The following PRICKLE2 variants were observed in gnomAD, a reference collection of about 807,000 sequenced individuals.
PRICKLE2 encodes the protein prickle-like protein 2.
PRICKLE2 carries 21 observed loss-of-function variants against 81.4 expected under a neutral mutation model. The ratio of observed to expected loss-of-function variants is 0.26; its 90% CI spans 0.18 to 0.37. PRICKLE2 has a LOEUF of 0.37. Among genes scored for constraint, PRICKLE2 ranks in the 10% least tolerant of loss-of-function variants. The pLI is 1.00. For synonymous variants in PRICKLE2, 456 were observed against 421.5 expected (o/e 1.08, Z -1.00); for missense variants, 940 against 1,109.0 (o/e 0.85, Z 2.16).
Position 64,157,266 on chromosome 3 carries a change from T to G in PRICKLE2, c.496A>C (p.Asn166His). Residue 166 changes from asparagine to histidine, a missense_variant, in exon 5 of 8, where the codon AAT (asparagine) becomes CAT (histidine). This residue lies in a region of PRICKLE2 where 270 missense variants were observed against 391.8 expected (regional missense o/e 0.69). Coordinates refer to ENST00000638394, the MANE Select transcript of PRICKLE2 (RefSeq NM_198859.4). ...HPPCFVCTVC[N>H]ELLVDLIYFY... Reference sequence around the variant, plus strand: ...TAGATCAGATCCACCAGGAGCTCATTGCAGACAGTGCATACGAAGCACGGC... The same window carrying G: ...TAGATCAGATCCACCAGGAGCTCATGGCAGACAGTGCATACGAAGCACGGC... The G allele has an allele frequency of 1.2e-6, 2 of 1,614,202 alleles. No homozygotes were observed. Among genetic ancestry groups the G allele is most frequent in the South Asian group, 2.2e-5 (2 of 91,084 alleles).
chr3:64,216,784 G>A (rs769595952), intron 1 of PRICKLE2, among the ~76,000 whole-genome samples: 5 of 152,122 alleles, frequency 3.3e-5, no homozygotes, highest in Non-Finnish European at 7.3e-5. Context: ...CGAAGCTCCT[G>A]TTGAGAGAGG....
At chr3:64,102,514 A>C (rs1191488351) in intron 7 of PRICKLE2, 1 of 153,018 alleles carries the variant, frequency 6.5e-6, no homozygotes, top group Non-Finnish European at 1.5e-5. Context: ...CATTACCCCT[A>C]GATGGGACTG....
At chr3:64,181,654 T>C (rs2107081401) in intron 2 of PRICKLE2, among the ~76,000 whole-genome samples, 1 of 152,302 alleles carries the variant, frequency 6.6e-6, no homozygotes, top group Non-Finnish European at 1.5e-5. Context: ...GTTTAGGAAG[T>C]AACCTTTGAA....
At chr3:64,165,397 T>C (rs113032400) in intron 2 of PRICKLE2, among the ~76,000 whole-genome samples, 110 of 152,302 alleles carry the variant, frequency 7.2e-4, no homozygotes, top group Non-Finnish European at 1.0e-3. Flanking sequence ...AAAATACTCA[T>C]CATAAGACTG....
chr3:64,173,609 T>TA (rs1468859870), intron 2 of PRICKLE2, among the ~76,000 whole-genome samples: 4 of 152,174 alleles, frequency 2.6e-5, no homozygotes, highest in Non-Finnish European at 5.9e-5. Flanking sequence ...GTCAGAAGCT[T>TA]AAATGGCCAG....
chr3:64,156,216 A>T (rs1342144017), intron 5 of PRICKLE2, among the ~76,000 whole-genome samples: 3 of 152,184 alleles, frequency 2.0e-5, no homozygotes, highest in Admixed American at 1.3e-4. Context: ...TCTCTCCAGA[A>T]CATCACCATT....
At chr3:64,139,595 T>C (rs1363013397) in intron 7 of PRICKLE2, among the ~76,000 whole-genome samples, 1 of 152,218 alleles carries the variant, frequency 6.6e-6, no homozygotes, top group African/African-American at 2.4e-5. Flanking sequence ...AGCCATCTTT[T>C]CAAAATGCAA....
intron 2 of PRICKLE2, among the ~76,000 whole-genome samples, chr3:64,165,395 C>T (rs1365343108): frequency 6.6e-6 from 1 of 152,140 alleles, no homozygotes; most frequent in Non-Finnish European, 1.5e-5. Context: ...TCAAAATACT[C>T]ATCATAAGAC....
chr3:64,127,127 C>T (rs776550083), intron 7 of PRICKLE2, among the ~76,000 whole-genome samples: 1 of 152,106 alleles, frequency 6.6e-6, no homozygotes, highest in Non-Finnish European at 1.5e-5. Context: ...GTAAAATATA[C>T]ACTATGTCAA....
chr3:64,219,570 A>G (rs575419405), intron 1 of PRICKLE2, among the ~76,000 whole-genome samples: 1 of 152,346 alleles, frequency 6.6e-6, no homozygotes, highest in Admixed American at 6.5e-5. Flanking sequence ...GCCACATTAA[A>G]AGCAGAAGGT....
At chr3:64,102,352 C>T (rs2076680204) in intron 7 of PRICKLE2, 1 of 152,308 alleles carries the variant, frequency 6.6e-6, no homozygotes, top group Non-Finnish European at 1.5e-5. Context: ...CTCCCCATTG[C>T]TCCAACTACT....
At position 64,096,317 on chromosome 3, in the gene PRICKLE2, T is replaced by A. The variant is rs2076572109; in HGVS notation, c.*2734A>T. On this transcript the variant is annotated 3_prime_UTR_variant, in exon 8 of 8. Transcript: ENST00000638394. ...AGCTTGTCCAATAAGAGTTAATGGT[T>A]GTGATGGAGGAATTAGGTGAGGACC... is the stretch of plus-strand genomic sequence containing the variant. 1 of 152,182 alleles carries A rather than the reference T, an allele frequency of 6.6e-6. No individual in the cohort carries two copies. The highest frequency in any genetic ancestry group is 2.1e-4 in the South Asian group (1 of 4,832). The allele number at this position is 152,182 out of a possible 1,614,324, so 9.4% of individuals were successfully genotyped here.
intron 6 of PRICKLE2, among the ~76,000 whole-genome samples, chr3:64,151,596 C>T (rs2077548745): frequency 6.6e-6 from 1 of 152,106 alleles, no homozygotes; most frequent in Non-Finnish European, 1.5e-5. Flanking sequence ...GTATTGTTGC[C>T]ATGGGCTGGT....
At chr3:64,132,897 T>C (rs1468483192) in intron 7 of PRICKLE2, among the ~76,000 whole-genome samples, 2 of 152,114 alleles carry the variant, frequency 1.3e-5, no homozygotes, top group East Asian at 3.9e-4. Flanking sequence ...AGGGGCTGAG[T>C]TCAGACTAAA....
At chr3:64,164,162 A>G (rs921983724) in intron 2 of PRICKLE2, among the ~76,000 whole-genome samples, 1 of 151,960 alleles carries the variant, frequency 6.6e-6, no homozygotes, top group African/African-American at 2.4e-5. Flanking sequence ...GAACCACCTG[A>G]GGGCGGCAGT....
intron 4 of PRICKLE2, among the ~76,000 whole-genome samples, chr3:64,158,778 C>T (rs1358753508): frequency 1.3e-5 from 2 of 152,116 alleles, no homozygotes; most frequent in Non-Finnish European, 1.5e-5. Context: ...ATAAAGATCC[C>T]ACTGCCAAAT....
chr3:64,143,061 T>C (rs547437396), intron 7 of PRICKLE2, among the ~76,000 whole-genome samples: 1 of 152,328 alleles, frequency 6.6e-6, no homozygotes, highest in East Asian at 1.9e-4. Context: ...CAGAGACTAA[T>C]GATGGCTTAA....
chr3:64,213,452 T>C (rs2078824341), intron 1 of PRICKLE2, among the ~76,000 whole-genome samples: 2 of 152,222 alleles, frequency 1.3e-5, no homozygotes, highest in South Asian at 2.1e-4. Flanking sequence ...GTCGGATGAA[T>C]CAAGGACTTT....
intron 7 of PRICKLE2, among the ~76,000 whole-genome samples, chr3:64,135,059 A>C (rs1009718452): frequency 2.6e-5 from 4 of 152,196 alleles, no homozygotes; most frequent in Non-Finnish European, 5.9e-5. Context: ...TCAATGTCAG[A>C]ATCAGAAACA....
Sources: allele counts gnomAD v4.1 joint callset (sites outside exome capture counted in the v4.1 genomes callset), GRCh38; gene constraint gnomAD v4.1.1; regional missense constraint gnomAD v4.1.1; transcripts MANE v1.5; gene names NCBI Gene and HGNC (gene_info 2026-07-23, HGNC 2026-07-21).